The following PFKP variants were observed in gnomAD, a reference collection of about 807,000 sequenced individuals.
PFKP encodes ATP-dependent 6-phosphofructokinase, platelet type.
Under a neutral mutation model 94.3 loss-of-function variants are expected in PFKP, and 101 were observed. That is an observed-to-expected ratio of 1.07 (90% CI 0.91 to 1.26). The LOEUF (loss-of-function observed/expected upper bound fraction) is 1.26. Among genes scored for constraint, PFKP ranks in the 50% most tolerant of loss-of-function variants. The pLI, the probability that PFKP is intolerant of heterozygous loss-of-function variation, is 0.00. For missense variants in PFKP, 1,145 were observed against 1,103.3 expected (o/e 1.04, Z -0.53); for synonymous variants, 573 against 432.6 (o/e 1.32, Z -4.03).
chr10:3,128,751 T>TTCA (rs1403405482), intron 16 of PFKP, among the ~76,000 whole-genome samples: 17 of 152,344 alleles, frequency 1.1e-4, no homozygotes, highest in African/African-American at 4.1e-4. Flanking sequence ...ACTCCTAGGA[T>TTCA]TCACCTTTAT....
chr10:3,103,564 G>T (rs1273289854), intron 4 of PFKP, among the ~76,000 whole-genome samples: 3 of 152,194 alleles, frequency 2.0e-5, no homozygotes, highest in African/African-American at 7.2e-5. Context: ...AGGAGTTCAA[G>T]GCTGCAGTGG....
At chr10:3,082,542 G>GC (rs1833168234) in intron 2 of PFKP, 81 bp downstream of exon 2, 5 of 981,750 alleles carry the variant, frequency 5.1e-6, no homozygotes, top group East Asian at 2.6e-5. Flanking sequence ...GCTCACCCCT[G>GC]CCTCCCCCAT....
chr10:3,113,600 TG>T, intron 13 of PFKP, 82 bp downstream of exon 13: 2 of 1,207,240 alleles, frequency 1.7e-6, no homozygotes, highest in Non-Finnish European at 2.3e-6. Flanking sequence ...GTGCCCTCCA[TG>T]GCCCTCATAC....
intron 4 of PFKP, among the ~76,000 whole-genome samples, chr10:3,102,544 G>T (rs1483456265): frequency 1.3e-5 from 2 of 151,992 alleles, no homozygotes. Context: ...CTCCCAAGCA[G>T]CTGGGATTAC....
chr10:3,101,592 G>A lies in PFKP; in HGVS notation c.454+38G>A, dbSNP rs368213685. 1.8e-5 allele frequency: 26 copies of A among 1,428,478 alleles called. No individual in the cohort carries two copies. In the African/African-American group the frequency reaches 1.9e-4, roughly 10 times the overall value. 88.5% of individuals were successfully genotyped at this position (1,428,478 alleles called of 1,614,324 possible). A position where few individuals can be genotyped will look rare whatever the true frequency, so the allele number is the denominator to read the frequency against. On this transcript the variant is annotated intron_variant, in intron 4 of 21. Transcript: ENST00000381125. ...CTGCTCCTCTGTCCTGCGGGTTTTC[G>A]CCCTGTTTCAGAGCTTTGGAACCGA...
In PFKP at chr10:3,136,589, G is replaced by C; in HGVS notation, c.*10G>C. ...GCCCTGGAGTGTCTGACCCAGTCCC[G>C]CCTGCATGTGCCTGCAGCCACCGTG... On this transcript the variant is annotated 3_prime_UTR_variant, in exon 22 of 22. Coordinates refer to ENST00000381125, the MANE Select transcript of PFKP (RefSeq NM_002627.5). The C allele has an allele frequency of 6.2e-7, 1 of 1,612,178 alleles. No homozygotes were observed. The highest frequency in any genetic ancestry group is 8.5e-7 in the Non-Finnish European group (1 of 1,178,972).
chr10:3,122,903 C>T (rs1218347194), intron 16 of PFKP, among the ~76,000 whole-genome samples: 4 of 152,196 alleles, frequency 2.6e-5, no homozygotes, highest in South Asian at 2.1e-4. Context: ...AGGGACGCTG[C>T]GGAACGTCCC....
intron 13 of PFKP, among the ~76,000 whole-genome samples, chr10:3,114,509 T>A (rs187243194): frequency 8.5e-5 from 13 of 152,336 alleles, no homozygotes; most frequent in African/African-American, 3.1e-4. Flanking sequence ...CAGACACAAC[T>A]CTCTGGTTCC....
intron 1 of PFKP, chr10:3,069,133 C>A: frequency 1.4e-6 from 1 of 708,646 alleles, no homozygotes; most frequent in Non-Finnish European, 1.9e-6. Context: ...AGCGCAGCCT[C>A]CCCAGGCCCA....
chr10:3,127,936 C>T (rs553816790), intron 16 of PFKP, among the ~76,000 whole-genome samples: 12 of 152,280 alleles, frequency 7.9e-5, no homozygotes, highest in East Asian at 3.9e-4. Context: ...AGATTTCATC[C>T]GAAGTGCTCA....
chr10:3,130,214 G>C (rs1838419125), intron 17 of PFKP, among the ~76,000 whole-genome samples: 1 of 140,916 alleles, frequency 7.1e-6, no homozygotes, highest in Non-Finnish European at 1.6e-5. Context: ...TGAAACACAA[G>C]CTTGTTTGTT....
intron 1 of PFKP, among the ~76,000 whole-genome samples, chr10:3,076,017 C>CAAAAAAAAAA (rs59102828): frequency 8.1e-5 from 5 of 61,810 alleles, no homozygotes; most frequent in African/African-American, 1.2e-4. Flanking sequence ...GACTCCGTCT[C>CAAAAAAAAAA]AAAAAAAAAA....
chr10:3,067,757 GGGAGA>G (rs1197952134), intron 1 of PFKP, 50 bp downstream of exon 1: 35 of 1,021,240 alleles, frequency 3.4e-5, no homozygotes, highest in East Asian at 6.4e-5. Flanking sequence ...GACGGAGCTG[GGGAGA>G]ACCGGGCGAA....
intron 1 of PFKP, among the ~76,000 whole-genome samples, chr10:3,076,033 A>T (rs1350734826): frequency 2.8e-5 from 4 of 140,366 alleles, no homozygotes; most frequent in Admixed American, 7.4e-5. Flanking sequence ...AAAAAAAAAA[A>T]AAAAAAAGTA....
At chr10:3,083,955 A>T (rs56012467) in intron 2 of PFKP, among the ~76,000 whole-genome samples, 38,660 of 152,138 alleles carry the variant, frequency 0.25, 5,117 homozygotes, top group East Asian at 0.35. Context: ...CTGTTGCTTT[A>T]AATGTCAACA....
At chr10:3,125,308 C>G in intron 16 of PFKP, 1 of 1,141,822 alleles carries the variant, frequency 8.8e-7, no homozygotes, top group Non-Finnish European at 1.1e-6. Flanking sequence ...CAACTTGTTT[C>G]TTCTGTGCTA....
At position 3,108,781 on chromosome 10, in the gene PFKP, C is replaced by A; in HGVS notation, c.951C>A (p.Phe317Leu). Residue 317 changes from phenylalanine to leucine, a missense_variant, in exon 9 of 22, where the codon TTC (phenylalanine) becomes TTA (leucine). By Grantham distance (22) the Phe-to-Leu change is conservative. Around this residue, in one of 3 missense-constraint regions of PFKP, gnomAD observed 1,119 missense variants for 1,062.8 expected, o/e 1.05. Transcript: ENST00000381125. ...AGAGAGGAGGGACCCCTTCGGCATT[C>A]GACAGGATCTTGGTGAGTTGGGAAG... ...HVQRGGTPSA[F>L]DRILASRMGV... The A allele has an allele frequency of 6.2e-7, 1 of 1,611,480 alleles. No individual in the cohort carries two copies. Among genetic ancestry groups the A allele is most frequent in the Non-Finnish European group, 8.5e-7 (1 of 1,177,886 alleles).
chr10:3,120,066 C>T (rs372474880), intron 16 of PFKP, 22 bp downstream of exon 16: 17 of 1,611,900 alleles, frequency 1.1e-5, no homozygotes, highest in Non-Finnish European at 1.4e-5. Flanking sequence ...TGCGCCCTGC[C>T]AGGCGGGCGC....
intron 3 of PFKP, chr10:3,101,076 C>A: frequency 5.0e-6 from 6 of 1,200,092 alleles, no homozygotes; most frequent in East Asian, 2.3e-5. Flanking sequence ...TGCTGTGACA[C>A]CGCAGGCTGG....
Sources: allele counts gnomAD v4.1 joint callset (sites outside exome capture counted in the v4.1 genomes callset), GRCh38; gene constraint gnomAD v4.1.1; regional missense constraint gnomAD v4.1.1; transcripts MANE v1.5; gene names NCBI Gene and HGNC (gene_info 2026-07-23, HGNC 2026-07-21).